The following TSHZ2 variants were observed in gnomAD, a reference collection of about 807,000 sequenced individuals.
The protein encoded by TSHZ2 is teashirt homolog 2.
TSHZ2 carries 21 observed loss-of-function variants against 74.4 expected under a neutral mutation model. The ratio of observed to expected loss-of-function variants is 0.28; its 90% CI spans 0.20 to 0.41. The LOEUF (loss-of-function observed/expected upper bound fraction) is 0.41. Ranked by LOEUF, TSHZ2 falls within the 10% of genes least tolerant of loss-of-function variation. The probability of loss-of-function intolerance (pLI) is 1.00; values close to 1 mark genes in which losing one functional copy is unlikely to be tolerated. For synonymous variants in TSHZ2, 540 were observed against 515.3 expected (o/e 1.05, Z -0.65); for missense variants, 1,244 against 1,293.5 (o/e 0.96, Z 0.59).
intron 2 of TSHZ2, among the ~76,000 whole-genome samples, chr20:53,437,140 A>G (rs896710018): frequency 6.6e-6 from 1 of 152,188 alleles, no homozygotes; most frequent in African/African-American, 2.4e-5. Context: ...TTGATTTATA[A>G]TCACGTGTGT....
rs148549303 is a variant in TSHZ2 at position 53,256,388 on chromosome 20, C to T, written c.2930C>T (p.Ala977Val). ...CAAGAGATCTCCCGGGTATCGTCGG[C>T]TCAGAGGTCTCCAGAAACAATAGCT... ...VEQEISRVSS[A>V]QRSPETIAAE... The change falls in exon 2 of 3, where the codon GCT (alanine) becomes GTT (valine). Residue 977 changes from alanine to valine, a missense_variant. Ala to Val is a moderately conservative substitution (Grantham distance 64, BLOSUM62 0). Transcript: ENST00000371497. This position sits in a 1 kb window ranked among gnomAD's most constrained non-coding sequence, Gnocchi z 4.3. 5.6e-4 allele frequency: 908 copies of T among 1,613,842 alleles called. 4 individuals carry two copies. Among genetic ancestry groups the T allele is most frequent in the African/African-American group, 2.6e-3 (192 of 75,030 alleles).
chr20:53,327,359 G>T (rs570165084), intron 2 of TSHZ2, among the ~76,000 whole-genome samples: 2 of 152,272 alleles, frequency 1.3e-5, no homozygotes, highest in East Asian at 1.9e-4. Context: ...CGTGGTGGCG[G>T]GTGCCTGTAG....
chr20:53,327,740 G>A (rs993767101), intron 2 of TSHZ2, among the ~76,000 whole-genome samples: 7 of 152,310 alleles, frequency 4.6e-5, no homozygotes, highest in South Asian at 2.1e-4. Context: ...ACTCTAGTTC[G>A]AGGAGAGAAA....
chr20:53,229,711 C>T (rs1989774058), intron 1 of TSHZ2, among the ~76,000 whole-genome samples: 1 of 147,366 alleles, frequency 6.8e-6, no homozygotes, highest in African/African-American at 2.5e-5. Context: ...TTCAACCTGG[C>T]AATTGGGAGA....
At chr20:53,466,569 T>G (rs1012086701) in intron 2 of TSHZ2, among the ~76,000 whole-genome samples, 10 of 152,184 alleles carry the variant, frequency 6.6e-5, no homozygotes, top group Non-Finnish European at 1.3e-4. Context: ...TTCAAACAAT[T>G]TAAGTGCTCT....
chr20:53,217,261 A>C (rs143911493), intron 1 of TSHZ2, among the ~76,000 whole-genome samples: 45 of 152,240 alleles, frequency 3.0e-4, no homozygotes, highest in African/African-American at 1.0e-3. Context: ...AGCCTTTCGT[A>C]CCAGCGCCCT....
At chr20:53,471,856 G>T (rs1985815760) in intron 2 of TSHZ2, among the ~76,000 whole-genome samples, 1 of 146,434 alleles carries the variant, frequency 6.8e-6, no homozygotes, top group Non-Finnish European at 1.5e-5. Flanking sequence ...GCCCAGGCTG[G>T]AGCACAATGG....
chr20:53,158,468 G>C (rs912727871), intron 1 of TSHZ2, among the ~76,000 whole-genome samples: 3 of 150,172 alleles, frequency 2.0e-5, no homozygotes, highest in Non-Finnish European at 4.4e-5. Context: ...ATAGTGGTGG[G>C]CTGATAGTGG....
chr20:53,164,125 T>C (rs1988012056), intron 1 of TSHZ2, among the ~76,000 whole-genome samples: 1 of 152,316 alleles, frequency 6.6e-6, no homozygotes, highest in East Asian at 1.9e-4. Context: ...TCTTTTTATG[T>C]AGAGCTTCTA....
chr20:53,037,360 A>G (rs1425288635), intron 1 of TSHZ2, among the ~76,000 whole-genome samples: 1 of 152,236 alleles, frequency 6.6e-6, no homozygotes, highest in African/African-American at 2.4e-5. Context: ...AATCCTGGTT[A>G]GTATTTCAAA....
Position 53,221,670 on chromosome 20 carries a change from A to T in TSHZ2, c.41-31829A>T, listed in dbSNP as rs559329940. Among the ~76,000 whole-genome samples, 3 of 152,352 alleles carry T rather than the reference A, an allele frequency of 2.0e-5. No individual in the cohort carries two copies. In the South Asian group the frequency reaches 6.2e-4, roughly 32 times the overall value. On this transcript the variant is annotated intron_variant, in intron 1 of 2. Transcript: ENST00000371497. ...ACAGATAGAAAGAGACAGAAAGGTT[A>T]AAAGTATACTCATAATCACTTGCTT...
At chr20:53,097,028 AG>A (rs2123280285) in intron 1 of TSHZ2, among the ~76,000 whole-genome samples, 1 of 152,316 alleles carries the variant, frequency 6.6e-6, no homozygotes, top group East Asian at 1.9e-4. Flanking sequence ...TCTATTGCAG[AG>A]GACTGTCCTG....
At chr20:53,340,228 G>A (rs1190518965) in intron 2 of TSHZ2, among the ~76,000 whole-genome samples, 1 of 116,676 alleles carries the variant, frequency 8.6e-6, no homozygotes, top group Non-Finnish European at 1.6e-5. Flanking sequence ...TGTCACCCAG[G>A]CTGGAGTGCA....
chr20:53,207,809 ATAGT>A (rs1468437979), intron 1 of TSHZ2, among the ~76,000 whole-genome samples: 2 of 150,570 alleles, frequency 1.3e-5, no homozygotes, highest in South Asian at 2.1e-4. Context: ...CCCTAGTATA[ATAGT>A]TAGGGCTACA....
At position 53,381,554 on chromosome 20, in the gene TSHZ2, G is replaced by T. The variant is rs116333329; in HGVS notation, c.*9-105590G>T. ...CTCCAGTGTGTGAAAAATATAACTG[G>T]CTTCATTTTTATCCTATAAATTAAT... On this transcript the variant is annotated intron_variant, in intron 2 of 2. Transcript: ENST00000371497. Among the ~76,000 whole-genome samples, 389 of 152,266 alleles carry T rather than the reference G, an allele frequency of 2.6e-3. 3 individuals are homozygous for T. The highest frequency in any genetic ancestry group is 8.9e-3 in the African/African-American group (370 of 41,536).
intron 2 of TSHZ2, among the ~76,000 whole-genome samples, chr20:53,298,082 A>G (rs546990471): frequency 7.9e-5 from 12 of 152,246 alleles, no homozygotes; most frequent in Middle Eastern, 3.4e-3. Context: ...GATCCTCTTC[A>G]TGAGGCATGT....
At chr20:52,991,032 G>A (rs1981965622) in intron 1 of TSHZ2, among the ~76,000 whole-genome samples, 1 of 152,178 alleles carries the variant, frequency 6.6e-6, no homozygotes, top group Admixed American at 6.6e-5. Context: ...TATTATGTGT[G>A]TTGTGATTGA....
intron 1 of TSHZ2, among the ~76,000 whole-genome samples, chr20:53,161,039 TTTTG>T (rs1000350838): frequency 6.6e-6 from 1 of 150,750 alleles, no homozygotes; most frequent in Non-Finnish European, 1.5e-5. Flanking sequence ...GTTTGGGGTT[TTTTG>T]TTTGTTTGTT....
intron 2 of TSHZ2, among the ~76,000 whole-genome samples, chr20:53,434,295 A>G (rs1026930342): frequency 1.3e-5 from 2 of 152,208 alleles, no homozygotes; most frequent in Non-Finnish European, 2.9e-5. Context: ...AATCATCACA[A>G]TGACCCTCCA....
Sources: allele counts gnomAD v4.1 joint callset (sites outside exome capture counted in the v4.1 genomes callset), GRCh38; gene constraint gnomAD v4.1.1; non-coding constraint Gnocchi (gnomAD v3.1); transcripts MANE v1.5; gene names NCBI Gene and HGNC (gene_info 2026-07-23, HGNC 2026-07-21).